The following CPXM2 variants were observed in gnomAD, a reference collection of about 807,000 sequenced individuals.
The protein encoded by CPXM2 is inactive carboxypeptidase-like protein X2.
In CPXM2, 66 loss-of-function variants were observed where a neutral mutation model predicts 86.1. That is an observed-to-expected ratio of 0.77 (90% CI 0.63 to 0.94). The LOEUF (loss-of-function observed/expected upper bound fraction) is 0.94, where lower values mean the gene tolerates loss of function less well. Among genes scored for constraint, CPXM2 ranks in the 40% least tolerant of loss-of-function variants. CPXM2 has a pLI of 0.00. For missense variants in CPXM2, 948 were observed against 1,026.3 expected, an observed-to-expected ratio of 0.92 and a Z score of 1.04; for synonymous variants, 388 against 400.2, an observed-to-expected ratio of 0.97 and a Z score of 0.36.
At chr10:123,758,346 T>C (rs773591571) in intron 11 of CPXM2, among the ~76,000 whole-genome samples, 1 of 152,160 alleles carries the variant, frequency 6.6e-6, no homozygotes, top group Non-Finnish European at 1.5e-5. Flanking sequence ...GGAGCCTTCC[T>C]TGACTCTTGC....
chr10:123,777,144 T>G (rs1213811643), intron 7 of CPXM2: 2 of 152,160 alleles, frequency 1.3e-5, no homozygotes, highest in Non-Finnish European at 2.9e-5. Context: ...AGTGGGTGGG[T>G]CAGCCATGGT....
At chr10:123,787,728 G>C (rs1379058206) in intron 6 of CPXM2, among the ~76,000 whole-genome samples, 1 of 151,942 alleles carries the variant, frequency 6.6e-6, no homozygotes, top group Non-Finnish European at 1.5e-5. Context: ...GCTTGGCTGG[G>C]GAAAAGAGGT....
At chr10:123,933,654 G>T (rs9733035) in intron 2 of CPXM2, among the ~76,000 whole-genome samples, 9,416 of 151,998 alleles carry the variant, frequency 0.062, 549 homozygotes, top group African/African-American at 0.15. Context: ...GGAGGCAGAG[G>T]TTGCAGTGAG....
At chr10:123,902,225 C>T (rs1945389020) in intron 2 of CPXM2, among the ~76,000 whole-genome samples, 1 of 152,166 alleles carries the variant, frequency 6.6e-6, no homozygotes, top group Non-Finnish European at 1.5e-5. Context: ...GGTCATGCAG[C>T]TCACAGGCAG....
intron 2 of CPXM2, among the ~76,000 whole-genome samples, chr10:123,927,159 C>G (rs1945629735): frequency 6.6e-6 from 1 of 152,204 alleles, no homozygotes; most frequent in Non-Finnish European, 1.5e-5. Context: ...TGCCAAGCTC[C>G]AGCTCACCAC....
chr10:123,788,879 A>AT (rs954854564), intron 6 of CPXM2, among the ~76,000 whole-genome samples: 2 of 148 alleles, frequency 0.014, no homozygotes, highest in African/African-American at 0.029. Flanking sequence ...ACCTTGATTG[A>AT]AAAAAAAAAA....
intron 3 of CPXM2, among the ~76,000 whole-genome samples, chr10:123,862,033 C>T (rs187952796): frequency 2.6e-5 from 4 of 152,292 alleles, no homozygotes; most frequent in Admixed American, 2.0e-4. Flanking sequence ...AGCAAGACCT[C>T]GGACTGATGG....
chr10:123,941,698 G>A (rs74162981), upstream of CPXM2, among the ~76,000 whole-genome samples: 5,945 of 152,236 alleles, frequency 0.039, 366 homozygotes, highest in African/African-American at 0.13. Flanking sequence ...CACCTGCAGC[G>A]GACGGCTGCC....
intron 4 of CPXM2, among the ~76,000 whole-genome samples, chr10:123,824,402 T>C (rs1848000989): frequency 6.6e-6 from 1 of 152,210 alleles, no homozygotes; most frequent in Non-Finnish European, 1.5e-5. Context: ...ACAAAAATCA[T>C]AGGCTCAACC....
chr10:123,752,400 T>C, intron 13 of CPXM2: 2 of 984,734 alleles, frequency 2.0e-6, no homozygotes, highest in Non-Finnish European at 1.2e-6. Context: ...AATCAGTAAC[T>C]AGATGGGAAA....
chr10:123,794,058 T>A (rs571731735), intron 6 of CPXM2, among the ~76,000 whole-genome samples: 1 of 152,308 alleles, frequency 6.6e-6, no homozygotes, highest in East Asian at 1.9e-4. Context: ...GATGTGCGTA[T>A]CAGGAGGAAG....
intron 7 of CPXM2, among the ~76,000 whole-genome samples, chr10:123,773,930 C>A (rs921041875): frequency 1.3e-5 from 2 of 152,234 alleles, no homozygotes; most frequent in Non-Finnish European, 2.9e-5. Context: ...GCCAGAGACA[C>A]CCTCTCCCTA....
chr10:123,936,010 CCAT>C (rs758111236), intron 2 of CPXM2, among the ~76,000 whole-genome samples: 1 of 570 alleles, frequency 1.8e-3, no homozygotes, highest in East Asian at 0.17. Flanking sequence ...AGCATCCTTA[CCAT>C]CATCACCACC....
intron 6 of CPXM2, among the ~76,000 whole-genome samples, chr10:123,790,963 A>G (rs1847194171): frequency 1.3e-5 from 2 of 152,104 alleles, no homozygotes; most frequent in Admixed American, 1.3e-4. Flanking sequence ...TTATTACCCT[A>G]TTACCATGAC....
At chr10:123,858,267 A>G (rs1848783363) in intron 3 of CPXM2, among the ~76,000 whole-genome samples, 1 of 152,220 alleles carries the variant, frequency 6.6e-6, no homozygotes, top group Non-Finnish European at 1.5e-5. Context: ...GCCACTACAC[A>G]GAAGCTTTGT....
chr10:123,760,941 C>T lies in CPXM2; in HGVS notation c.1777+931G>A, dbSNP rs976538115. On this transcript the variant is annotated intron_variant, in intron 11 of 13. Coordinates refer to ENST00000241305, the MANE Select transcript of CPXM2 (RefSeq NM_198148.3). The stretch of plus-strand genomic sequence containing the variant: ...CTGACATGAAAATATTTTGCAAATT[C>T]ATCGTCTTGACCAACCCTCACAAAA... Among the ~76,000 whole-genome samples, 3 of 32,368 alleles carry T rather than the reference C, an allele frequency of 9.3e-5. No individual in the cohort carries two copies. The East Asian group carries it at 1.1e-3, about 12-fold the overall frequency. 21.2% of individuals were successfully genotyped at this position (32,368 alleles called of 152,430 possible).
chr10:123,769,530 C>G (rs11592420), intron 8 of CPXM2: 51,440 of 152,066 alleles, frequency 0.34, 9,247 homozygotes, highest in Non-Finnish European at 0.4. Context: ...TGTAATGAGC[C>G]AAGACTGTGC....
intron 11 of CPXM2, among the ~76,000 whole-genome samples, chr10:123,760,939 T>TTAA (rs1846319459): frequency 3.1e-5 from 1 of 31,878 alleles, no homozygotes. Flanking sequence ...ATTTTGCAAA[T>TTAA]TCATCGTCTT....
chr10:123,821,450 C>G (rs1847922500), intron 4 of CPXM2, among the ~76,000 whole-genome samples: 1 of 152,202 alleles, frequency 6.6e-6, no homozygotes, highest in Non-Finnish European at 1.5e-5. Context: ...GTCATAGGAT[C>G]GGCCACTGGA....
Sources: gnomAD v4.1 joint callset for allele counts (sites outside exome capture counted in the v4.1 genomes callset) on GRCh38, gnomAD v4.1.1 for gene constraint, MANE v1.5 for transcripts, NCBI Gene and HGNC (gene_info 2026-07-23, HGNC 2026-07-21) for gene names.